Variants in ACOXL observed in about 807,000 individuals in gnomAD.
ACOXL encodes acyl-coenzyme A oxidase-like protein.
A neutral mutation model predicts 71.9 loss-of-function variants in ACOXL; 70 were observed. The observed-to-expected ratio is 0.97, with a 90% CI of 0.80 to 1.19. ACOXL has a LOEUF of 1.19. ACOXL is among the 50% of genes most tolerant of loss of function. The pLI, the probability that ACOXL is intolerant of heterozygous loss-of-function variation, is 0.00. For synonymous variants in ACOXL, 253 were observed against 281.6 expected, an observed-to-expected ratio of 0.90 and a Z score of 1.02; for missense variants, 703 against 736.3, an observed-to-expected ratio of 0.95 and a Z score of 0.52.
chr2:110,814,479 T>G (rs1460629141), intron 9 of ACOXL, among the ~76,000 whole-genome samples: 1 of 152,022 alleles, frequency 6.6e-6, no homozygotes, highest in African/African-American at 2.4e-5. Context: ...TTGCCTACCA[T>G]AATGAAATTT....
At chr2:111,014,582 AG>A (rs775619782) in intron 14 of ACOXL, among the ~76,000 whole-genome samples, 1 of 152,226 alleles carries the variant, frequency 6.6e-6, no homozygotes, top group Non-Finnish European at 1.5e-5. Flanking sequence ...CACCATTTCA[AG>A]CAAAATCTTG....
intron 11 of ACOXL, among the ~76,000 whole-genome samples, chr2:110,919,101 CAGGT>C (rs3059311): frequency 0.5 from 76,288 of 151,488 alleles, 19,500 homozygotes; most frequent in East Asian, 0.58. Context: ...GACACATGCA[CAGGT>C]AGGTATGTTT....
At chr2:111,018,348 C>G (rs2064562993) in intron 14 of ACOXL, among the ~76,000 whole-genome samples, 1 of 152,182 alleles carries the variant, frequency 6.6e-6, no homozygotes, top group South Asian at 2.1e-4. Flanking sequence ...CGTGCCCTGT[C>G]CTATCATCCC....
intron 16 of ACOXL, among the ~76,000 whole-genome samples, chr2:111,085,007 T>C (rs1163652261): frequency 1.3e-5 from 2 of 151,694 alleles, no homozygotes; most frequent in Non-Finnish European, 2.9e-5. Flanking sequence ...TGATAAATGA[T>C]TCAATTCAAC....
intron 11 of ACOXL, among the ~76,000 whole-genome samples, chr2:110,912,509 A>G (rs945556748): frequency 6.6e-6 from 1 of 152,154 alleles, no homozygotes; most frequent in Non-Finnish European, 1.5e-5. Context: ...AGACAATTCA[A>G]TGAAAGAAAG....
intron 16 of ACOXL, among the ~76,000 whole-genome samples, chr2:111,050,540 C>CT (rs1479403978): frequency 1.3e-5 from 2 of 152,222 alleles, no homozygotes; most frequent in African/African-American, 4.8e-5. Context: ...ATGCTCACCT[C>CT]TTTTCTCTGC....
At chr2:111,039,448 C>T (rs1278174664) in intron 15 of ACOXL, among the ~76,000 whole-genome samples, 2 of 150,892 alleles carry the variant, frequency 1.3e-5, no homozygotes, top group Non-Finnish European at 2.9e-5. Context: ...GAGATACAAT[C>T]GTTTAACAAG....
intron 10 of ACOXL, among the ~76,000 whole-genome samples, chr2:110,878,549 G>A (rs1273892533): frequency 6.6e-6 from 1 of 152,138 alleles, no homozygotes; most frequent in Non-Finnish European, 1.5e-5. Flanking sequence ...GATCACTTAA[G>A]GTCAGGAGTT....
chr2:110,778,653 A>G (rs1453900988), intron 2 of ACOXL, among the ~76,000 whole-genome samples: 1 of 152,120 alleles, frequency 6.6e-6, no homozygotes, highest in African/African-American at 2.4e-5. Context: ...TAACATTCTT[A>G]CCTTAAAGGG....
chr2:110,769,835 AAAAATAAAAT>A (rs535758128), intron 2 of ACOXL, among the ~76,000 whole-genome samples: 1 of 151,998 alleles, frequency 6.6e-6, no homozygotes, highest in East Asian at 1.9e-4. Context: ...CTCTGTCTCA[AAAAATAAAAT>A]AAAATAAAAT....
At chr2:111,067,990 T>G (rs1465975188) in intron 16 of ACOXL, among the ~76,000 whole-genome samples, 1 of 152,148 alleles carries the variant, frequency 6.6e-6, no homozygotes, top group East Asian at 1.9e-4. Context: ...GCCCCTCTCT[T>G]GGACTGTTGG....
intron 9 of ACOXL, among the ~76,000 whole-genome samples, chr2:110,812,873 G>A (rs1198656770): frequency 6.6e-6 from 1 of 152,198 alleles, no homozygotes; most frequent in African/African-American, 2.4e-5. Flanking sequence ...GGGACTCATG[G>A]TGCATCCGGG....
intron 9 of ACOXL, among the ~76,000 whole-genome samples, chr2:110,833,957 G>T (rs1036533330): frequency 6.6e-6 from 1 of 152,238 alleles, no homozygotes; most frequent in East Asian, 1.9e-4. Flanking sequence ...GGTGAGAGGG[G>T]TCCACAAGCT....
intron 13 of ACOXL, among the ~76,000 whole-genome samples, chr2:110,992,604 C>G (rs1197710648): frequency 2.0e-5 from 3 of 152,180 alleles, no homozygotes; most frequent in African/African-American, 7.2e-5. Context: ...TGGAAGGAGT[C>G]AGTCATGGTA....
intron 2 of ACOXL, among the ~76,000 whole-genome samples, chr2:110,777,865 C>A (rs1411486974): frequency 6.6e-6 from 1 of 152,188 alleles, no homozygotes; most frequent in Non-Finnish European, 1.5e-5. Flanking sequence ...GGAGTCGGGG[C>A]AGGTGTCCTA....
intron 1 of ACOXL, among the ~76,000 whole-genome samples, chr2:110,741,079 A>G (rs567312143): frequency 6.6e-6 from 1 of 152,302 alleles, no homozygotes; most frequent in African/African-American, 2.4e-5. Context: ...TATCCCAGGC[A>G]TTCCTGGGAT....
intron 16 of ACOXL, among the ~76,000 whole-genome samples, chr2:111,058,241 A>G (rs1458960770): frequency 1.3e-5 from 2 of 152,150 alleles, no homozygotes; most frequent in East Asian, 1.9e-4. Flanking sequence ...TTAAATAGAG[A>G]TCAAGATGCT....
At chr2:110,759,847 G>C (rs1430654570) in intron 1 of ACOXL, among the ~76,000 whole-genome samples, 1 of 151,980 alleles carries the variant, frequency 6.6e-6, no homozygotes, top group Non-Finnish European at 1.5e-5. Context: ...ATTTCTATTT[G>C]TCCAAGTCTT....
chr2:111,000,173 G>C lies in ACOXL; in HGVS notation c.1281+4169G>C, dbSNP rs144576242. Among the ~76,000 whole-genome samples, 61 of 152,334 alleles carry C rather than the reference G, an allele frequency of 4.0e-4. 1 individual carries two copies. In the East Asian group the frequency reaches 0.011, roughly 28 times the overall value. ...GATCTTAACCTGTGGGTGAGGACTT[G>C]TAGGAAAATGAGGTAAAAATTATTG... On this transcript the variant is annotated intron_variant, in intron 14 of 17. Coordinates refer to ENST00000439055, the MANE Select transcript of ACOXL (RefSeq NM_001142807.4).
Sources: allele counts gnomAD v4.1 joint callset (sites outside exome capture counted in the v4.1 genomes callset), GRCh38; gene constraint gnomAD v4.1.1; transcripts MANE v1.5; gene names NCBI Gene and HGNC (gene_info 2026-07-23, HGNC 2026-07-21).